The following CMTM7 variants were observed in gnomAD, a reference collection of about 807,000 sequenced individuals.
The protein encoded by CMTM7 is CKLF like MARVEL transmembrane domain containing 7.
Under a neutral mutation model 19.3 loss-of-function variants are expected in CMTM7, and 7 were observed. The observed-to-expected ratio is 0.36, with a 90% CI of 0.21 to 0.68. CMTM7 has a LOEUF of 0.68. CMTM7 is among the 30% of genes least tolerant of loss of function. The pLI, the probability that CMTM7 is intolerant of heterozygous loss-of-function variation, is 0.60. For missense variants in CMTM7, 193 were observed against 232.6 expected (o/e 0.83, Z 1.11); for synonymous variants, 87 against 99.3 (o/e 0.88, Z 0.74).
chr3:32,426,775 T>G (rs530430193), intron 1 of CMTM7, among the ~76,000 whole-genome samples: 11 of 152,256 alleles, frequency 7.2e-5, no homozygotes, highest in Non-Finnish European at 1.6e-4. Flanking sequence ...CATGAGTGTT[T>G]TAAAATTATT....
At chr3:32,436,123 C>G (rs1696593891) in intron 1 of CMTM7, among the ~76,000 whole-genome samples, 1 of 152,202 alleles carries the variant, frequency 6.6e-6, no homozygotes, top group Non-Finnish European at 1.5e-5. Flanking sequence ...GGACATATTT[C>G]CTAGATTATT....
chr3:32,452,894 G>T (rs981021645), intron 4 of CMTM7, among the ~76,000 whole-genome samples: 2 of 143,278 alleles, frequency 1.4e-5, no homozygotes, highest in South Asian at 2.2e-4. Flanking sequence ...GGGACTACAG[G>T]TGTGCACCAC....
intron 1 of CMTM7, among the ~76,000 whole-genome samples, chr3:32,440,633 C>A (rs1250663837): frequency 6.6e-6 from 1 of 152,080 alleles, no homozygotes; most frequent in East Asian, 1.9e-4. Flanking sequence ...TGAAAATTAG[C>A]CAGGCATGAT....
chr3:32,395,431 G>A (rs189568075), intron 1 of CMTM7, among the ~76,000 whole-genome samples: 50 of 152,254 alleles, frequency 3.3e-4, no homozygotes, highest in Admixed American at 2.0e-3. Context: ...ATGTTTGATA[G>A]ATAAGGAAAC....
At chr3:32,416,307 T>A (rs562951863) in intron 1 of CMTM7, among the ~76,000 whole-genome samples, 206 of 151,204 alleles carry the variant, frequency 1.4e-3, no homozygotes, top group African/African-American at 4.9e-3. Context: ...CAAGCAATTC[T>A]GCCTCAGCCT....
intron 1 of CMTM7, among the ~76,000 whole-genome samples, chr3:32,410,594 A>G (rs530509412): frequency 3.9e-5 from 6 of 151,972 alleles, no homozygotes; most frequent in African/African-American, 1.4e-4. Flanking sequence ...ACATATCTTC[A>G]AGCCTGCGGG....
At chr3:32,452,060 G>T (rs1696840419) in intron 3 of CMTM7, 4 of 1,357,868 alleles carry the variant, frequency 2.9e-6, no homozygotes, top group Non-Finnish European at 3.9e-6. Context: ...TTCTCTTTTG[G>T]TCCAGGATAA....
intron 2 of CMTM7, among the ~76,000 whole-genome samples, chr3:32,442,360 G>A (rs1001743129): frequency 1.3e-5 from 2 of 151,906 alleles, no homozygotes; most frequent in African/African-American, 2.4e-5. Context: ...TCAGCCGGGC[G>A]TGGTGGCGGG....
intron 1 of CMTM7, among the ~76,000 whole-genome samples, chr3:32,407,336 A>G (rs1696104426): frequency 6.6e-6 from 1 of 152,170 alleles, no homozygotes; most frequent in Non-Finnish European, 1.5e-5. Flanking sequence ...GAGTTGTGTT[A>G]TATTTTTCAA....
At chr3:32,397,953 TA>T (rs2125617923) in intron 1 of CMTM7, among the ~76,000 whole-genome samples, 1 of 152,262 alleles carries the variant, frequency 6.6e-6, no homozygotes, top group East Asian at 1.9e-4. Context: ...TTGCCCACCT[TA>T]TGGAAGAGGA....
At chr3:32,454,062 A>T (rs1188393340) in intron 4 of CMTM7, among the ~76,000 whole-genome samples, 179 bp from the exon 5 acceptor site, 1 of 152,214 alleles carries the variant, frequency 6.6e-6, no homozygotes, top group Non-Finnish European at 1.5e-5. Flanking sequence ...GCACTACCGA[A>T]GTTTTTTCCT....
intron 1 of CMTM7, among the ~76,000 whole-genome samples, chr3:32,422,304 C>T (rs1696357082): frequency 1.3e-5 from 2 of 152,238 alleles, no homozygotes; most frequent in Admixed American, 1.3e-4. Flanking sequence ...ATCAAGGCGG[C>T]CTACACCCAC....
chr3:32,428,009 C>T (rs142738455), intron 1 of CMTM7, among the ~76,000 whole-genome samples: 30 of 152,336 alleles, frequency 2.0e-4, no homozygotes, highest in African/African-American at 7.0e-4. Context: ...AGGGCAGAGA[C>T]TGCATTGTTC....
At chr3:32,403,315 A>G (rs893833542) in intron 1 of CMTM7, among the ~76,000 whole-genome samples, 2 of 152,148 alleles carry the variant, frequency 1.3e-5, no homozygotes, top group African/African-American at 2.4e-5. Flanking sequence ...CCTGGGCTCA[A>G]GCGATCTTCC....
chr3:32,405,779 A>C (rs141976022), intron 1 of CMTM7, among the ~76,000 whole-genome samples: 2,442 of 152,198 alleles, frequency 0.016, 31 homozygotes, highest in Non-Finnish European at 0.026. Context: ...TAAACAAATA[A>C]ATATCTTGTA....
chr3:32,426,008 G>A lies in CMTM7; in HGVS notation c.160-15832G>A, dbSNP rs557734975. Among the ~76,000 whole-genome samples the A allele has an allele frequency of 1.5e-4, 23 of 152,288 alleles. No individual in the cohort carries two copies. The South Asian group carries it at 3.5e-3, about 23-fold the overall frequency. ...TAAAAATATGAAATTAGCCAGGCAT[G>A]GTGGCGCACGCCTATAATCCCAGCT... On this transcript the variant is annotated intron_variant, in intron 1 of 4. Coordinates refer to ENST00000334983, the MANE Select transcript of CMTM7 (RefSeq NM_138410.4).
intron 2 of CMTM7, among the ~76,000 whole-genome samples, chr3:32,446,298 G>A (rs1423093864): frequency 1.3e-5 from 2 of 152,094 alleles, no homozygotes; most frequent in Non-Finnish European, 2.9e-5. Flanking sequence ...GCATGCAATT[G>A]TTTATTGTAT....
intron 1 of CMTM7, among the ~76,000 whole-genome samples, chr3:32,425,860 A>G (rs1696423655): frequency 6.6e-6 from 1 of 152,164 alleles, no homozygotes; most frequent in Non-Finnish European, 1.5e-5. Flanking sequence ...TAAAACTGGG[A>G]TTTGGCTGGG....
intron 1 of CMTM7, among the ~76,000 whole-genome samples, chr3:32,402,418 C>T (rs1575108848): frequency 8.1e-6 from 1 of 123,918 alleles, no homozygotes; most frequent in Non-Finnish European, 1.7e-5. Context: ...GGCCAGTTTA[C>T]TTTAGATAGT....
Sources: gnomAD v4.1 joint callset for allele counts (sites outside exome capture counted in the v4.1 genomes callset) on GRCh38, gnomAD v4.1.1 for gene constraint, MANE v1.5 for transcripts, NCBI Gene and HGNC (gene_info 2026-07-23, HGNC 2026-07-21) for gene names.